Variants in KIF13B observed in about 807,000 individuals in gnomAD.
KIF13B encodes the protein kinesin-like protein KIF13B.
In KIF13B, 127 loss-of-function variants were observed where a neutral mutation model predicts 222.0. That is an observed-to-expected ratio of 0.57 (90% CI 0.50 to 0.66). KIF13B has a LOEUF of 0.66. KIF13B is among the 30% of genes least tolerant of loss of function. The probability of loss-of-function intolerance (pLI) is 0.00; values close to 1 mark genes in which losing one functional copy is unlikely to be tolerated. For missense variants in KIF13B, 2,173 were observed against 2,379.0 expected (o/e 0.91, Z 1.80); for synonymous variants, 976 against 919.0 (o/e 1.06, Z -1.12).
intron 35 of KIF13B, among the ~76,000 whole-genome samples, chr8:29,101,394 C>T (rs1014883143): frequency 1.3e-5 from 2 of 152,178 alleles, no homozygotes; most frequent in African/African-American, 4.8e-5. Flanking sequence ...TGGCTGCGGT[C>T]TGTCCCTCAG....
Position 29,144,611 on chromosome 8 carries a change from A to C in KIF13B, c.2187+1767T>G, listed in dbSNP as rs188901781. On this transcript the variant is annotated intron_variant, in intron 18 of 39. Coordinates refer to ENST00000524189, the MANE Select transcript of KIF13B (RefSeq NM_015254.4). ...TACCTTATATTCAGCCAGCCAGTGAATAAATACAAAAATCCCATTTGTGAC... is the reference window on the plus strand; with the variant it reads ...TACCTTATATTCAGCCAGCCAGTGACTAAATACAAAAATCCCATTTGTGAC... 1.2e-4 allele frequency among the ~76,000 whole-genome samples: 18 copies of C among 152,282 alleles called. No individual in the cohort carries two copies. In the East Asian group the frequency reaches 3.3e-3, roughly 28 times the overall value.
chr8:29,183,397 C>T (rs1296154731), intron 6 of KIF13B, among the ~76,000 whole-genome samples: 3 of 152,024 alleles, frequency 2.0e-5, no homozygotes, highest in African/African-American at 7.2e-5. Context: ...AGTGATCTGC[C>T]CGCCTCAGCC....
Position 29,132,290 on chromosome 8 carries a change from T to G in KIF13B, c.2942+18A>C. On this transcript the variant is annotated intron_variant, in intron 23 of 39. Transcript: ENST00000524189. The stretch of plus-strand genomic sequence containing the variant: ...TTACATATATATAAATGGAATCAGA[T>G]GAACATCTAATATTCACCTGTCCCG... 2 of 1,427,044 alleles carry G rather than the reference T, an allele frequency of 1.4e-6. No individual in the cohort carries two copies. The highest frequency in any genetic ancestry group is 1.8e-6 in the Non-Finnish European group (2 of 1,082,578). 88.4% of individuals were successfully genotyped at this position (1,427,044 alleles called of 1,614,324 possible). A position where few individuals can be genotyped will look rare whatever the true frequency, so the allele number is the denominator to read the frequency against.
intron 22 of KIF13B, among the ~76,000 whole-genome samples, chr8:29,133,820 G>A (rs1407131982): frequency 2.0e-5 from 3 of 152,184 alleles, no homozygotes; most frequent in Non-Finnish European, 4.4e-5. Flanking sequence ...AGAAGAATAT[G>A]CATATATACA....
intron 37 of KIF13B, among the ~76,000 whole-genome samples, chr8:29,075,744 C>T (rs965975228): frequency 6.6e-6 from 1 of 152,064 alleles, no homozygotes; most frequent in African/African-American, 2.4e-5. Context: ...AGTGTAGTCA[C>T]AGGAGGGGAG....
intron 1 of KIF13B, among the ~76,000 whole-genome samples, chr8:29,250,456 G>T (rs1322246128): frequency 6.6e-6 from 1 of 152,046 alleles, no homozygotes; most frequent in Admixed American, 6.5e-5. Flanking sequence ...ATGATTAAGG[G>T]ACCAATCCCT....
At chr8:29,094,469 GAGAC>G (rs1808433745) in intron 36 of KIF13B, among the ~76,000 whole-genome samples, 1 of 152,146 alleles carries the variant, frequency 6.6e-6, no homozygotes, top group African/African-American at 2.4e-5. Flanking sequence ...GTAAGCAAAA[GAGAC>G]AGACACAAAA....
intron 37 of KIF13B, among the ~76,000 whole-genome samples, chr8:29,086,349 A>G (rs904526867): frequency 3.3e-5 from 5 of 152,178 alleles, no homozygotes; most frequent in African/African-American, 1.2e-4. Context: ...GGATTACTTG[A>G]GGCCAGGAGT....
At chr8:29,199,887 A>G (rs1284111422) in intron 2 of KIF13B, among the ~76,000 whole-genome samples, 2 of 152,190 alleles carry the variant, frequency 1.3e-5, no homozygotes, top group Non-Finnish European at 2.9e-5. Flanking sequence ...TTTATAGTAC[A>G]TTTACTATTC....
In KIF13B at chr8:29,190,814, C is replaced by T. The variant is rs985710964; in HGVS notation, c.223+183G>A. 4 of 629,804 alleles carry T rather than the reference C, an allele frequency of 6.4e-6. No individual in the cohort carries two copies. In the African/African-American group the frequency reaches 7.2e-5, roughly 11 times the overall value. 39.0% of individuals were successfully genotyped at this position (629,804 alleles called of 1,614,324 possible). On this transcript the variant is annotated intron_variant, in intron 4 of 39. Coordinates refer to ENST00000524189, the MANE Select transcript of KIF13B (RefSeq NM_015254.4). ...CAGCCAGTGTCTGCCGCTTGGGGTG[C>T]AGGGAAAACTCCCCCAACATTTGGT...
At chr8:29,238,865 G>A (rs544586175) in intron 2 of KIF13B, among the ~76,000 whole-genome samples, 1 of 152,140 alleles carries the variant, frequency 6.6e-6, no homozygotes, top group Middle Eastern at 3.4e-3. Context: ...CTTAGGGGTG[G>A]AGAGGACAAA....
At chr8:29,091,184 T>C (rs1358374135) in intron 37 of KIF13B, among the ~76,000 whole-genome samples, 3 of 152,220 alleles carry the variant, frequency 2.0e-5, no homozygotes, top group African/African-American at 7.2e-5. Context: ...CTGGGCATTA[T>C]AGTTATTCTC....
intron 14 of KIF13B, among the ~76,000 whole-genome samples, chr8:29,152,611 A>T (rs1040130079): frequency 1.9e-5 from 2 of 107,568 alleles, no homozygotes; most frequent in African/African-American, 5.0e-5. Flanking sequence ...AGTTTTAATT[A>T]AAAAAAAATT....
At chr8:29,165,636 G>A in intron 12 of KIF13B, 26 bp downstream of exon 12, 1 of 1,462,534 alleles carries the variant, frequency 6.8e-7, no homozygotes, top group South Asian at 1.1e-5. Context: ...GAGGTTTCAT[G>A]CGCTTCATCA....
chr8:29,126,458 T>C (rs1489774279), intron 26 of KIF13B, 24 bp downstream of exon 26: 2 of 1,323,030 alleles, frequency 1.5e-6, no homozygotes, highest in Non-Finnish European at 1.1e-6. Flanking sequence ...TTATTTGAGA[T>C]GAGATTAACA....
chr8:29,148,653 G>A lies in KIF13B; in HGVS notation c.1737C>T (p.Ser579=), dbSNP rs560625008. 6.6e-5 allele frequency: 106 copies of A among 1,612,922 alleles called. 2 individuals carry two copies. The highest frequency in any genetic ancestry group is 3.3e-4 in the Middle Eastern group (2 of 6,060). The change falls in exon 16 of 40, where the codon AGC becomes AGT. Residue 579 remains serine (S), a synonymous_variant. Transcript: ENST00000524189. ...TAAAGTTAACTTCACTGGACACCTC[G>A]CTGGAGGAGTCTCCGTCTACATCCA... ...EQLDVDGDSS[S]EVSSEVNFNY...
intron 2 of KIF13B, among the ~76,000 whole-genome samples, chr8:29,206,829 G>C (rs1813965144): frequency 1.3e-5 from 2 of 152,102 alleles, no homozygotes; most frequent in African/African-American, 4.8e-5. Context: ...ATAAAGCAGG[G>C]AAGGTGGATG....
chr8:29,148,400 GT>G (rs5890440), intron 16 of KIF13B, among the ~76,000 whole-genome samples, 176 bp downstream of exon 16: 2,374 of 146,014 alleles, frequency 0.016, 26 homozygotes, highest in Middle Eastern at 0.042. Flanking sequence ...ACACTCTACC[GT>G]TTTTTTTTTT....
At chr8:29,166,464 C>T (rs1341837954) in intron 11 of KIF13B, among the ~76,000 whole-genome samples, 4 of 151,942 alleles carry the variant, frequency 2.6e-5, no homozygotes, top group Non-Finnish European at 5.9e-5. Context: ...TTTGGGAGGC[C>T]GAGGCGGGCG....
Sources: gnomAD v4.1 joint callset for allele counts (sites outside exome capture counted in the v4.1 genomes callset) on GRCh38, gnomAD v4.1.1 for gene constraint, MANE v1.5 for transcripts, NCBI Gene and HGNC (gene_info 2026-07-23, HGNC 2026-07-21) for gene names.